Variants in RORA observed in about 807,000 individuals in gnomAD.
The protein encoded by RORA is RAR related orphan receptor A.
In RORA, 7 loss-of-function variants were observed where a neutral mutation model predicts 69.5. The observed-to-expected ratio is 0.10, with a 90% CI of 0.06 to 0.19. The LOEUF (loss-of-function observed/expected upper bound fraction) is 0.19, where lower values mean the gene tolerates loss of function less well. RORA is among the 10% of genes least tolerant of loss of function. The pLI, the probability that RORA is intolerant of heterozygous loss-of-function variation, is 1.00. For missense variants in RORA, 457 were observed against 663.0 expected, an observed-to-expected ratio of 0.69 and a Z score of 3.41; for synonymous variants, 261 against 240.8, an observed-to-expected ratio of 1.08 and a Z score of -0.78.
intron 1 of RORA, among the ~76,000 whole-genome samples, chr15:60,980,188 A>T (rs1392797992): frequency 2.0e-5 from 3 of 152,154 alleles, no homozygotes; most frequent in Non-Finnish European, 4.4e-5. Context: ...GCATTGATTG[A>T]CTTTCATATG....
In RORA at chr15:61,169,367, CGAT is replaced by C. The variant is rs375007315; in HGVS notation, c.166+59683_166+59685del. On this transcript the variant is annotated intron_variant, in intron 1 of 10. Transcript: ENST00000335670. ...TCTGGAGCTTGGCTCTTTGGGGTCCCGATGATACCTCTCTGCCTGGTATCCTCT... is the reference window on the plus strand; with the variant it reads ...TCTGGAGCTTGGCTCTTTGGGGTCCCGATACCTCTCTGCCTGGTATCCTCT... 5.2e-3 allele frequency among the ~76,000 whole-genome samples: 791 copies of C among 152,060 alleles called. 4 individuals carry two copies. The highest frequency in any genetic ancestry group is 0.018 in the African/African-American group (767 of 41,476).
chr15:60,951,047 C>G (rs1760539995), intron 1 of RORA, among the ~76,000 whole-genome samples: 1 of 150,952 alleles, frequency 6.6e-6, no homozygotes. Context: ...AAGTAAAGCT[C>G]TCCTCAGCAA....
At chr15:60,946,170 T>A (rs1227899079) in intron 1 of RORA, among the ~76,000 whole-genome samples, 1 of 152,096 alleles carries the variant, frequency 6.6e-6, no homozygotes, top group Admixed American at 6.5e-5. Flanking sequence ...CCACCCTGAG[T>A]GTCCTATGTC....
At chr15:60,964,379 T>C (rs1366305150) in intron 1 of RORA, among the ~76,000 whole-genome samples, 3 of 152,166 alleles carry the variant, frequency 2.0e-5, no homozygotes, top group Non-Finnish European at 2.9e-5. Flanking sequence ...GATTCGGGTA[T>C]GGCTGGTGGA....
chr15:60,715,144 G>A (rs540918597), intron 1 of RORA, among the ~76,000 whole-genome samples: 3 of 152,224 alleles, frequency 2.0e-5, no homozygotes, highest in East Asian at 1.9e-4. Flanking sequence ...ACAAACACCC[G>A]ATTTATTCTC....
chr15:60,658,608 C>T (rs1034597113), intron 2 of RORA, among the ~76,000 whole-genome samples: 4 of 146,372 alleles, frequency 2.7e-5, no homozygotes, highest in Non-Finnish European at 6.0e-5. Context: ...GTTTAGAAAT[C>T]AGAGGGTTGC....
Position 60,773,879 on chromosome 15 carries a change from T to C in RORA, c.167-95193A>G, listed in dbSNP as rs1366074782. ...CCAAGGGCAGAGGCCAAGAACTCTG[T>C]TTTTGAAAAGGTGTGCTTCACATTT... On this transcript the variant is annotated intron_variant, in intron 1 of 10. Transcript: ENST00000335670. Among the ~76,000 whole-genome samples the C allele has an allele frequency of 5.3e-5, 8 of 152,202 alleles. No homozygotes were observed. The East Asian group carries it at 1.5e-3, about 29-fold the overall frequency.
chr15:60,833,641 T>C (rs2073077844), intron 1 of RORA, among the ~76,000 whole-genome samples: 1 of 152,228 alleles, frequency 6.6e-6, no homozygotes, highest in Non-Finnish European at 1.5e-5. Context: ...TTTACCGTTT[T>C]TTGTTACCAT....
chr15:61,165,203 C>T (rs186242986), intron 1 of RORA, among the ~76,000 whole-genome samples: 1 of 152,222 alleles, frequency 6.6e-6, no homozygotes, highest in Non-Finnish European at 1.5e-5. Flanking sequence ...CACGTCAACA[C>T]CACACCAGGC....
chr15:60,718,473 T>G (rs1373187797), intron 1 of RORA, among the ~76,000 whole-genome samples: 1 of 152,162 alleles, frequency 6.6e-6, no homozygotes, highest in Non-Finnish European at 1.5e-5. Context: ...ACAAATTGAA[T>G]AGAAAAAACA....
chr15:61,039,158 A>G (rs1487698646), intron 1 of RORA: 1 of 152,190 alleles, frequency 6.6e-6, no homozygotes, highest in Non-Finnish European at 1.5e-5. Context: ...TTGAAACACT[A>G]CAGGGCAACC....
chr15:60,560,127 T>G (rs148829947), intron 2 of RORA, among the ~76,000 whole-genome samples: 1 of 152,116 alleles, frequency 6.6e-6, no homozygotes, highest in African/African-American at 2.4e-5. Context: ...CCCTATGAGA[T>G]TGTATTAAAT....
intron 1 of RORA, among the ~76,000 whole-genome samples, chr15:60,863,699 A>G (rs1463260728): frequency 6.6e-6 from 1 of 152,194 alleles, no homozygotes; most frequent in Non-Finnish European, 1.5e-5. Flanking sequence ...TGTTTAGTAG[A>G]CTGTTTCGCA....
chr15:60,967,871 G>C (rs999732909), intron 1 of RORA, among the ~76,000 whole-genome samples: 4 of 152,142 alleles, frequency 2.6e-5, no homozygotes, highest in African/African-American at 9.7e-5. Context: ...AGAAAGGCGG[G>C]GGTGCTTCTG....
At position 61,013,928 on chromosome 15, in the gene RORA, C is replaced by A. The variant is rs373169039; in HGVS notation, c.166+215125G>T. Among the ~76,000 whole-genome samples the A allele has an allele frequency of 5.9e-5, 9 of 151,926 alleles. No individual in the cohort carries two copies. In the South Asian group the frequency reaches 1.9e-3, roughly 32 times the overall value. On this transcript the variant is annotated intron_variant, in intron 1 of 10. Coordinates refer to ENST00000335670, the MANE Select transcript of RORA (RefSeq NM_134261.3). ...CCTCCCGAGTAGCTGCGTCTACAGGCGCCCGCCACCACGCCAGGCTAATTT... is the reference window on the plus strand; with the variant it reads ...CCTCCCGAGTAGCTGCGTCTACAGGAGCCCGCCACCACGCCAGGCTAATTT...
chr15:60,603,039 T>C (rs1286315889), intron 2 of RORA, among the ~76,000 whole-genome samples: 1 of 152,244 alleles, frequency 6.6e-6, no homozygotes, highest in Non-Finnish European at 1.5e-5. Flanking sequence ...ATGCAGCCTG[T>C]TGACTGGTTT....
rs1262437273 is a variant in RORA at position 61,147,330 on chromosome 15, A to G, written c.166+81723T>C. On this transcript the variant is annotated intron_variant, in intron 1 of 10. Transcript: ENST00000335670. The surrounding 1 kb of genome is among the most constrained non-coding windows in gnomAD (Gnocchi z 4.1). ...TCTGTGGTGCCTGGCCAGTCCCACT[A>G]GGCTTGGCTCTTCCAGTTCCTGCTG... 2.0e-5 allele frequency among the ~76,000 whole-genome samples: 3 copies of G among 152,172 alleles called. No individual in the cohort carries two copies. Among genetic ancestry groups the G allele is most frequent in the Non-Finnish European group, 4.4e-5 (3 of 68,026 alleles).
intron 1 of RORA, among the ~76,000 whole-genome samples, chr15:61,033,017 G>A (rs72625743): frequency 6.6e-6 from 1 of 152,126 alleles, no homozygotes; most frequent in African/African-American, 2.4e-5. Context: ...GGTAGGCATT[G>A]CCTTTCCTGT....
chr15:60,910,496 C>T (rs1257854996), intron 1 of RORA, among the ~76,000 whole-genome samples: 1 of 152,104 alleles, frequency 6.6e-6, no homozygotes, highest in Non-Finnish European at 1.5e-5. Flanking sequence ...GTGAAATACT[C>T]CTCTTATTCA....
Sources: allele counts gnomAD v4.1 joint callset (sites outside exome capture counted in the v4.1 genomes callset), GRCh38; gene constraint gnomAD v4.1.1; non-coding constraint Gnocchi (gnomAD v3.1); transcripts MANE v1.5; gene names NCBI Gene and HGNC (gene_info 2026-07-23, HGNC 2026-07-21).